The following EPM2A variants were observed in gnomAD, a reference collection of about 807,000 sequenced individuals.
EPM2A encodes the protein EPM2A glucan phosphatase, laforin.
A neutral mutation model predicts 26.5 loss-of-function variants in EPM2A; 21 were observed. The observed-to-expected ratio is 0.79, with a 90% CI of 0.56 to 1.14. The LOEUF (loss-of-function observed/expected upper bound fraction) is 1.14, where lower values mean the gene tolerates loss of function less well. Ranked by LOEUF, EPM2A falls within the 50% of genes most tolerant of loss-of-function variation. The probability of loss-of-function intolerance (pLI) is 0.00; values close to 1 mark genes in which losing one functional copy is unlikely to be tolerated. For missense variants in EPM2A, 458 were observed against 440.8 expected, an observed-to-expected ratio of 1.04 and a Z score of -0.35; for synonymous variants, 217 against 177.6, an observed-to-expected ratio of 1.22 and a Z score of -1.76.
intron 3 of EPM2A, chr6:145,628,162 G>C (rs1378436997): frequency 5.2e-6 from 1 of 191,934 alleles, no homozygotes; most frequent in Non-Finnish European, 1.1e-5. Flanking sequence ...AATAGTTAAA[G>C]GAATCAATCT....
chr6:145,589,614 G>T (rs1441372660), intron 2 of EPM2A, among the ~76,000 whole-genome samples: 1 of 151,916 alleles, frequency 6.6e-6, no homozygotes. Flanking sequence ...CTAGTGAAGG[G>T]TCTGAGTTTT....
chr6:145,383,545 C>G (rs539170171), exon 5 of EPM2A: 1 of 152,088 alleles, frequency 6.6e-6, no homozygotes, highest in Non-Finnish European at 1.5e-5. Flanking sequence ...ACAACCAGAT[C>G]TTGTGAGAAC....
intron 2 of EPM2A, among the ~76,000 whole-genome samples, chr6:145,669,630 G>T (rs1057192075): frequency 1.3e-5 from 2 of 152,122 alleles, no homozygotes; most frequent in African/African-American, 4.8e-5. Flanking sequence ...TTTCCAGTCT[G>T]CCAAGCTTCC....
intron 2 of EPM2A, chr6:145,641,250 G>C (rs1777063939): frequency 6.6e-6 from 1 of 152,168 alleles, no homozygotes; most frequent in Non-Finnish European, 1.5e-5. Flanking sequence ...TTTGGAGACA[G>C]GGTCTCTACA....
chr6:145,652,365 TG>T (rs2128579306), intron 2 of EPM2A, among the ~76,000 whole-genome samples: 1 of 152,302 alleles, frequency 6.6e-6, no homozygotes, highest in South Asian at 2.1e-4. Flanking sequence ...AATTTTCTGA[TG>T]GAAACTGTTG....
chr6:145,474,888 T>C (rs1157887279), intron 4 of EPM2A, among the ~76,000 whole-genome samples: 1 of 152,182 alleles, frequency 6.6e-6, no homozygotes, highest in Non-Finnish European at 1.5e-5. Flanking sequence ...TCCCTGGTCA[T>C]TAGAGAAATG....
downstream of EPM2A, among the ~76,000 whole-genome samples, chr6:145,623,901 G>A (rs1479842606): frequency 1.3e-5 from 2 of 152,194 alleles, no homozygotes; most frequent in South Asian, 2.1e-4. Context: ...AAAGAGAGGA[G>A]TCAAGGATGA....
intron 2 of EPM2A, among the ~76,000 whole-genome samples, chr6:145,606,416 T>A (rs1017534925): frequency 6.6e-6 from 1 of 151,878 alleles, no homozygotes; most frequent in African/African-American, 2.4e-5. Context: ...TAAATTTTTA[T>A]ATTTAAACAT....
chr6:145,656,052 C>T (rs980758141), intron 2 of EPM2A, among the ~76,000 whole-genome samples: 3 of 152,114 alleles, frequency 2.0e-5, no homozygotes, highest in Non-Finnish European at 4.4e-5. Context: ...GTCAAAAAAT[C>T]CACTAATATG....
chr6:145,669,388 G>A (rs1337298256), intron 2 of EPM2A, among the ~76,000 whole-genome samples: 1 of 152,138 alleles, frequency 6.6e-6, no homozygotes, highest in African/African-American at 2.4e-5. Flanking sequence ...CTTCCCATCT[G>A]TTCCACAAAA....
At chr6:145,405,298 C>T (rs1346214608) in intron 4 of EPM2A, among the ~76,000 whole-genome samples, 2 of 152,062 alleles carry the variant, frequency 1.3e-5, no homozygotes, top group East Asian at 3.9e-4. Context: ...GTGAATTCTA[C>T]GGCCTATGTT....
chr6:145,432,388 C>T (rs1464490021), intron 4 of EPM2A, among the ~76,000 whole-genome samples: 1 of 152,130 alleles, frequency 6.6e-6, no homozygotes, highest in Non-Finnish European at 1.5e-5. Flanking sequence ...GATCTATGGG[C>T]TGCAGAATGG....
At chr6:145,640,098 A>G (rs970462099) in intron 2 of EPM2A, 3 of 152,200 alleles carry the variant, frequency 2.0e-5, no homozygotes, top group African/African-American at 7.2e-5. Flanking sequence ...TGTTTCACCC[A>G]TCAGGCTTGG....
intron 2 of EPM2A, among the ~76,000 whole-genome samples, chr6:145,683,281 G>A (rs1399254964): frequency 6.7e-6 from 1 of 148,608 alleles, no homozygotes; most frequent in Non-Finnish European, 1.5e-5. Flanking sequence ...GTGTGTGTGT[G>A]TGTGTGTGTG....
intron 1 of EPM2A, among the ~76,000 whole-genome samples, chr6:145,706,271 G>A (rs1325566787): frequency 1.3e-5 from 2 of 152,154 alleles, no homozygotes; most frequent in African/African-American, 4.8e-5. Context: ...CAGGTAGGTG[G>A]TGTGTCAGAG....
chr6:145,723,867 T>A (rs371276036), intron 1 of EPM2A, among the ~76,000 whole-genome samples: 1 of 152,156 alleles, frequency 6.6e-6, no homozygotes, highest in East Asian at 1.9e-4. Flanking sequence ...GTTTCCTAGA[T>A]TCTTTGGCTG....
At chr6:145,719,396 C>G (rs1775825831) in intron 1 of EPM2A, among the ~76,000 whole-genome samples, 1 of 149,820 alleles carries the variant, frequency 6.7e-6, no homozygotes, top group South Asian at 2.1e-4. Context: ...ACCACATATT[C>G]TCACTCATAG....
At chr6:145,467,553 A>G (rs985699433) in intron 4 of EPM2A, among the ~76,000 whole-genome samples, 17 of 152,062 alleles carry the variant, frequency 1.1e-4, no homozygotes, top group African/African-American at 4.1e-4. Flanking sequence ...ACTTTTTGAT[A>G]TTTTCAAAAT....
Position 145,413,501 on chromosome 6 carries a change from T to G in EPM2A, c.556-29404A>C, listed in dbSNP as rs1437295520. The stretch of plus-strand genomic sequence containing the variant: ...TTAATAGTAGACAAATTAGAAAGAC[T>G]TCAAAGATGTGGTCCATTTTCCAGC... On this transcript the variant is annotated intron_variant, in intron 4 of 4. Coordinates refer to the EPM2A transcript ENST00000638717. Among the ~76,000 whole-genome samples, 4 of 152,114 alleles carry G rather than the reference T, an allele frequency of 2.6e-5. No individual in the cohort carries two copies. In the South Asian group the frequency reaches 8.3e-4, roughly 32 times the overall value.
Sources: gnomAD v4.1 joint callset for allele counts (sites outside exome capture counted in the v4.1 genomes callset) on GRCh38, gnomAD v4.1.1 for gene constraint, MANE v1.5 for transcripts, NCBI Gene and HGNC (gene_info 2026-07-23, HGNC 2026-07-21) for gene names.